The following PARP15 variants were observed in gnomAD, a reference collection of about 807,000 sequenced individuals.
PARP15 encodes poly(ADP-ribose) polymerase family member 15.
A neutral mutation model predicts 62.1 loss-of-function variants in PARP15; 50 were observed. That is an observed-to-expected ratio of 0.81 (90% confidence interval 0.64 to 1.02). PARP15 has a LOEUF of 1.02. Ranked by LOEUF, PARP15 falls within the 50% of genes least tolerant of loss-of-function variation. The pLI, the probability that PARP15 is intolerant of heterozygous loss-of-function variation, is 0.00. For synonymous variants in PARP15, 309 were observed against 293.1 expected, an observed-to-expected ratio of 1.05 and a Z score of -0.55; for missense variants, 820 against 826.5, an observed-to-expected ratio of 0.99 and a Z score of 0.10.
chr3:122,636,388 TC>T lies in PARP15; in HGVS notation c.*289del. 1 of 336,442 alleles carries T rather than the reference TC, an allele frequency of 3.0e-6. No individual in the cohort carries two copies. Among genetic ancestry groups the T allele is most frequent in the East Asian group, 5.8e-5 (1 of 17,266 alleles). The allele number at this position is 336,442 out of a possible 1,614,324, so 20.8% of individuals were successfully genotyped here. On this transcript the variant is annotated 3_prime_UTR_variant, in exon 12 of 12. Transcript: ENST00000464300. The stretch of plus-strand genomic sequence containing the variant: ...TAAAAAGCACATTATTCTTTTTCTA[TC>T]AGAAAAAAACAAGATGCATCACCTT...
At position 122,619,814 on chromosome 3, in the gene PARP15, A is replaced by C. The variant is rs1320311757; in HGVS notation, c.1034A>C (p.Gln345Pro). The C allele has an allele frequency of 1.2e-6, 2 of 1,613,768 alleles. No homozygotes were observed. The highest frequency in any genetic ancestry group is 1.7e-6 in the Non-Finnish European group (2 of 1,179,726). The change falls in exon 7 of 12, where the codon CAA becomes CCA. Residue 345 changes from glutamine to proline, a missense_variant. Gln to Pro is a moderately conservative substitution (Grantham distance 76). This residue lies in a region of PARP15 where 731 missense variants were observed against 727.7 expected (regional missense o/e 1.00). Coordinates refer to ENST00000464300, the MANE Select transcript of PARP15 (RefSeq NM_001113523.3). ...VSRAILEGAG[Q>P]AVESECAVLA... is the part of the protein sequence containing the mutation. ...AGAGCTATTTTAGAAGGTGCTGGAC[A>C]AGCTGTGGAAAGTGAATGTGCTGTA... is the stretch of plus-strand genomic sequence containing the variant.
intron 1 of PARP15, among the ~76,000 whole-genome samples, chr3:122,593,090 G>GTCTATCTA (rs3052715): frequency 0.14 from 20,568 of 147,734 alleles, 1,569 homozygotes; most frequent in East Asian, 0.18. Flanking sequence ...AAAATTATCT[G>GTCTATCTA]TCTATCTATC....
intron 10 of PARP15, 68 bp from the exon 11 acceptor site, chr3:122,634,952 C>A: frequency 6.9e-7 from 1 of 1,443,970 alleles, no homozygotes; most frequent in Non-Finnish European, 9.5e-7. Context: ...TATTTTAAAT[C>A]CACAACAAGT....
At chr3:122,595,570 A>G (rs1246740109) in intron 1 of PARP15, among the ~76,000 whole-genome samples, 1 of 151,896 alleles carries the variant, frequency 6.6e-6, no homozygotes, top group Non-Finnish European at 1.5e-5. Context: ...TTGTTTTGAG[A>G]CTTTAGTCTT....
intron 1 of PARP15, among the ~76,000 whole-genome samples, chr3:122,601,105 G>T (rs147746286): frequency 7.1e-6 from 1 of 140,930 alleles, no homozygotes; most frequent in African/African-American, 2.8e-5. Flanking sequence ...GCAGCGGTGC[G>T]ATCTCAGCTC....
chr3:122,631,579 T>C (rs992565305), intron 9 of PARP15, among the ~76,000 whole-genome samples: 2 of 152,228 alleles, frequency 1.3e-5, no homozygotes, highest in Non-Finnish European at 2.9e-5. Flanking sequence ...GATCACCTTA[T>C]GGGAAAGCAT....
At chr3:122,617,815 G>A (rs538972639) in intron 6 of PARP15, among the ~76,000 whole-genome samples, 1 of 152,288 alleles carries the variant, frequency 6.6e-6, no homozygotes, top group Admixed American at 6.5e-5. Flanking sequence ...TGCAACCTCT[G>A]CCTCCCGGGT....
chr3:122,603,330 C>A (rs1934939568), intron 1 of PARP15, among the ~76,000 whole-genome samples: 1 of 152,058 alleles, frequency 6.6e-6, no homozygotes, highest in Non-Finnish European at 1.5e-5. Flanking sequence ...TGCAGGTCTA[C>A]AACCACCCAG....
intron 1 of PARP15, among the ~76,000 whole-genome samples, chr3:122,582,508 A>T (rs139130755): frequency 1.8e-4 from 27 of 152,302 alleles, no homozygotes; most frequent in African/African-American, 5.8e-4. Flanking sequence ...ACAGTTAAAG[A>T]TATTGCTCTA....
intron 6 of PARP15, among the ~76,000 whole-genome samples, chr3:122,619,214 GCTAGTAAATA>G (rs1478820511): frequency 6.6e-6 from 1 of 152,116 alleles, no homozygotes; most frequent in Non-Finnish European, 1.5e-5. Flanking sequence ...TCACATACTA[GCTAGTAAATA>G]CTGGAGTCAA....
At chr3:122,583,285 AG>A (rs1399409434) in intron 1 of PARP15, among the ~76,000 whole-genome samples, 2 of 17,698 alleles carry the variant, frequency 1.1e-4, no homozygotes, top group South Asian at 1.2e-3. Context: ...ATGCCTGGCT[AG>A]TTTTTTTTTT....
chr3:122,585,009 T>C (rs1487020630), intron 1 of PARP15, among the ~76,000 whole-genome samples: 1 of 152,208 alleles, frequency 6.6e-6, no homozygotes, highest in African/African-American at 2.4e-5. Context: ...TAGTAATAGA[T>C]TTTCAAAAAC....
intron 9 of PARP15, among the ~76,000 whole-genome samples, chr3:122,629,453 C>T (rs532995406): frequency 1.3e-5 from 2 of 152,188 alleles, no homozygotes; most frequent in East Asian, 3.9e-4. Context: ...TTTAATCCCA[C>T]CCCCACAGGT....
chr3:122,582,717 A>AT (rs375945270), intron 1 of PARP15, among the ~76,000 whole-genome samples: 2 of 151,662 alleles, frequency 1.3e-5, no homozygotes, highest in Admixed American at 1.3e-4. Context: ...TCAAATTTGA[A>AT]TTTTTTTGGC....
At chr3:122,586,901 C>T (rs2107809256) in intron 1 of PARP15, among the ~76,000 whole-genome samples, 1 of 152,290 alleles carries the variant, frequency 6.6e-6, no homozygotes, top group Non-Finnish European at 1.5e-5. Context: ...TATACCATTA[C>T]AGTATCACAC....
intron 9 of PARP15, among the ~76,000 whole-genome samples, chr3:122,631,191 A>G (rs1052180428): frequency 6.6e-6 from 1 of 152,252 alleles, no homozygotes; most frequent in Non-Finnish European, 1.5e-5. Context: ...GGGGAAAGGA[A>G]GGAATGTAGC....
At chr3:122,604,425 TAAAG>T (rs1388690492) in intron 1 of PARP15, among the ~76,000 whole-genome samples, 2 of 152,038 alleles carry the variant, frequency 1.3e-5, no homozygotes, top group African/African-American at 2.4e-5. Flanking sequence ...ACTAAGAAAA[TAAAG>T]AAAACAGACT....
chr3:122,618,750 G>C (rs1936148596), intron 6 of PARP15, among the ~76,000 whole-genome samples: 1 of 152,178 alleles, frequency 6.6e-6, no homozygotes, highest in Non-Finnish European at 1.5e-5. Flanking sequence ...AACTGTTTAA[G>C]AGAACATCTG....
intron 1 of PARP15, among the ~76,000 whole-genome samples, chr3:122,582,990 T>A (rs1028922838): frequency 2.0e-5 from 3 of 152,102 alleles, no homozygotes; most frequent in Non-Finnish European, 4.4e-5. Context: ...GAGTTTGATT[T>A]GGTTCTCCTT....
Sources: allele counts gnomAD v4.1 joint callset (sites outside exome capture counted in the v4.1 genomes callset), GRCh38; gene constraint gnomAD v4.1.1; regional missense constraint gnomAD v4.1.1; transcripts MANE v1.5; gene names NCBI Gene and HGNC (gene_info 2026-07-23, HGNC 2026-07-21).